UBAC2: variants seen among roughly 807,000 people sequenced by gnomAD.
UBAC2 encodes ubiquitin-associated domain-containing protein 2.
In UBAC2, 26 loss-of-function variants were observed where a neutral mutation model predicts 44.0. That is an observed-to-expected ratio of 0.59 (90% CI 0.43 to 0.82). The LOEUF is 0.82. Ranked by LOEUF, UBAC2 falls within the 40% of genes least tolerant of loss-of-function variation. The probability of loss-of-function intolerance (pLI) is 0.00; values close to 1 mark genes in which losing one functional copy is unlikely to be tolerated. For synonymous variants in UBAC2, 155 were observed against 154.3 expected (o/e 1.00, Z -0.04); for missense variants, 329 against 419.4 (o/e 0.78, Z 1.88).
intron 8 of UBAC2, among the ~76,000 whole-genome samples, chr13:99,376,437 T>TGG (rs960945678): frequency 2.6e-5 from 4 of 152,138 alleles, no homozygotes; most frequent in African/African-American, 9.7e-5. Context: ...GGGGCTCTGG[T>TGG]GGGGCACCCT....
At chr13:99,232,399 G>GAGATAGATATATATATATATATAT (rs1367302629) in intron 1 of UBAC2, among the ~76,000 whole-genome samples, 1,154 of 109,816 alleles carry the variant, frequency 0.011, 31 homozygotes, top group Admixed American at 0.016. Flanking sequence ...TTAGTTGAGA[G>GAGATAGATATATATATATATATAT]ATATAGATAT....
rs370619291 is a variant in UBAC2 at position 99,281,810 on chromosome 13, CTTATGGA to C, written c.390-32284_390-32278del. ...CAAAGTGGCGTGCAGAGGTACTTAC[CTTATGGA>C]TTGCTGGCTAATTGTGAAAGGAGAC... On this transcript the variant is annotated intron_variant, in intron 4 of 8. Transcript: ENST00000403766. Among the ~76,000 whole-genome samples, 614 of 152,216 alleles carry C rather than the reference CTTATGGA, an allele frequency of 4.0e-3. 5 individuals carry two copies. Among genetic ancestry groups the C allele is most frequent in the African/African-American group, 0.014 (581 of 41,528 alleles).
intron 4 of UBAC2, chr13:99,313,061 A>G (rs2044435423): frequency 6.6e-6 from 1 of 152,038 alleles, no homozygotes; most frequent in African/African-American, 2.4e-5. Context: ...GGCTCACTGC[A>G]AGCTCTGCCT....
At chr13:99,259,144 G>A (rs1380562683) in intron 4 of UBAC2, among the ~76,000 whole-genome samples, 1 of 152,142 alleles carries the variant, frequency 6.6e-6, no homozygotes, top group African/African-American at 2.4e-5. Context: ...AGAAAGGGAA[G>A]TGAGCAACGA....
chr13:99,296,145 T>C (rs767728850), intron 4 of UBAC2: 11 of 1,588,856 alleles, frequency 6.9e-6, no homozygotes, highest in Non-Finnish European at 8.6e-6. Flanking sequence ...TGTATATCCA[T>C]TGGTGGTGGT....
chr13:99,268,549 AGTGAGCCATGATCCTGTCACT>A (rs1199029353), intron 4 of UBAC2, among the ~76,000 whole-genome samples: 1 of 139,528 alleles, frequency 7.2e-6, no homozygotes, highest in Non-Finnish European at 1.5e-5. Context: ...CCGAGGCTGC[AGTGAGCCATGATCCTGTCACT>A]GCACTCCATT....
At chr13:99,216,219 A>C (rs778250526) in intron 1 of UBAC2, among the ~76,000 whole-genome samples, 10 of 151,994 alleles carry the variant, frequency 6.6e-5, no homozygotes, top group Admixed American at 2.6e-4. Context: ...CTCATTCCTC[A>C]GCCTCCGAAG....
rs140964017 is a variant in UBAC2 at position 99,235,655 on chromosome 13, A to C, written c.32-2772A>C. Among the ~76,000 whole-genome samples, 1,017 of 152,324 alleles carry C rather than the reference A, an allele frequency of 6.7e-3. 12 individuals are homozygous for C. The highest frequency in any genetic ancestry group is 0.027 in the Middle Eastern group (8 of 294). ...CCAAAAAAGGTGGCAAGAACATACA[A>C]TGGAGAAACGACAGTCCCTTCAAAA... On this transcript the variant is annotated intron_variant, in intron 1 of 8. Coordinates refer to ENST00000403766, the MANE Select transcript of UBAC2 (RefSeq NM_001144072.2).
chr13:99,219,020 GTTACT>G (rs1344898784), intron 1 of UBAC2, among the ~76,000 whole-genome samples: 3 of 152,200 alleles, frequency 2.0e-5, no homozygotes, highest in African/African-American at 7.2e-5. Flanking sequence ...TTATGAGAAA[GTTACT>G]TTATGAGACA....
chr13:99,281,324 A>G (rs538723579), intron 4 of UBAC2, among the ~76,000 whole-genome samples: 5 of 152,160 alleles, frequency 3.3e-5, no homozygotes, highest in African/African-American at 7.2e-5. Context: ...CATTTCCAGC[A>G]TCTTACCTAA....
At chr13:99,294,503 TAG>T (rs1555327353) in intron 4 of UBAC2, 6 of 152,344 alleles carry the variant, frequency 3.9e-5, no homozygotes, top group Non-Finnish European at 8.8e-5. Flanking sequence ...CTCCCACTGA[TAG>T]TTGACAGGGA....
chr13:99,252,781 CAATTA>C (rs1007469692), intron 4 of UBAC2, among the ~76,000 whole-genome samples: 5 of 152,086 alleles, frequency 3.3e-5, no homozygotes, highest in African/African-American at 4.8e-5. Context: ...AAGTGATCTA[CAATTA>C]AATTATAATT....
rs1566489562 is a variant in UBAC2, at chr13:99,295,469, G to T, written c.390-18628G>T. The T allele has an allele frequency of 6.2e-7, 1 of 1,613,972 alleles. No individual in the cohort carries two copies. Among genetic ancestry groups the T allele is most frequent in the Non-Finnish European group, 8.5e-7 (1 of 1,180,012 alleles). Reference sequence around the variant, plus strand: ...CTCAGTGAGTGGGTTTTGTTTGGCAGTTCTGAAGAGTTTGCAGCAGATCTG... The same window carrying T: ...CTCAGTGAGTGGGTTTTGTTTGGCATTTCTGAAGAGTTTGCAGCAGATCTG... On this transcript the variant is annotated intron_variant, in intron 4 of 8. Coordinates refer to ENST00000403766, the MANE Select transcript of UBAC2 (RefSeq NM_001144072.2). The surrounding 1 kb of genome is among the most constrained non-coding windows in gnomAD (Gnocchi z 4.1).
chr13:99,320,912 G>C (rs998700322), intron 6 of UBAC2, among the ~76,000 whole-genome samples: 5 of 152,284 alleles, frequency 3.3e-5, no homozygotes, highest in East Asian at 1.9e-4. Context: ...TAGATCAAGT[G>C]ACTTCCCTTT....
chr13:99,209,706 G>A (rs2042915975), intron 1 of UBAC2, among the ~76,000 whole-genome samples: 1 of 152,346 alleles, frequency 6.6e-6, no homozygotes, highest in South Asian at 2.1e-4. Flanking sequence ...GGGCATAGTG[G>A]CTCACGCCTG....
At chr13:99,339,211 A>G (rs1363072621) in intron 6 of UBAC2, among the ~76,000 whole-genome samples, 4 of 152,082 alleles carry the variant, frequency 2.6e-5, no homozygotes, top group African/African-American at 9.7e-5. Context: ...TCTGCCCAAA[A>G]TGTTATTTCC....
In UBAC2 at chr13:99,299,946, T is replaced by C. The variant is rs2044233984; in HGVS notation, c.390-14151T>C. The stretch of plus-strand genomic sequence containing the variant: ...GATCCCTCTCTGTGATGACCTGGCT[T>C]CAGGTTTCTTCCTCTGTTCAGTCCT... On this transcript the variant is annotated intron_variant, in intron 4 of 8. Coordinates refer to ENST00000403766, the MANE Select transcript of UBAC2 (RefSeq NM_001144072.2). 2.0e-5 allele frequency among the ~76,000 whole-genome samples: 3 copies of C among 152,210 alleles called. No individual in the cohort carries two copies. The South Asian group carries it at 6.2e-4, about 31-fold the overall frequency.
intron 1 of UBAC2, among the ~76,000 whole-genome samples, chr13:99,237,269 T>C (rs61968344): frequency 0.36 from 44,157 of 121,996 alleles, 6,902 homozygotes; most frequent in Middle Eastern, 0.48. Context: ...TATATATATA[T>C]ATACACACAC....
chr13:99,349,530 C>T (rs188256177), intron 7 of UBAC2, among the ~76,000 whole-genome samples: 4 of 152,108 alleles, frequency 2.6e-5, no homozygotes, highest in East Asian at 1.9e-4. Context: ...CATACAAGAC[C>T]GGGGGTCAGG....
Sources: allele counts gnomAD v4.1 joint callset (sites outside exome capture counted in the v4.1 genomes callset), GRCh38; gene constraint gnomAD v4.1.1; non-coding constraint Gnocchi (gnomAD v3.1); transcripts MANE v1.5; gene names NCBI Gene and HGNC (gene_info 2026-07-23, HGNC 2026-07-21).